Variants in RUVBL1 observed in about 807,000 individuals in gnomAD.
The protein encoded by RUVBL1 is RuvB like AAA ATPase 1, also known as ruvB-like 1.
A neutral mutation model predicts 52.4 loss-of-function variants in RUVBL1; 4 were observed. That is an observed-to-expected ratio of 0.08 (90% confidence interval 0.04 to 0.17). The LOEUF (loss-of-function observed/expected upper bound fraction) is 0.17. RUVBL1 is among the 10% of genes least tolerant of loss of function. RUVBL1 has a pLI of 1.00. For synonymous variants in RUVBL1, 217 were observed against 214.4 expected (o/e 1.01, Z -0.10); for missense variants, 298 against 572.8 (o/e 0.52, Z 4.90).
At chr3:128,099,027 C>G in intron 6 of RUVBL1, 82 bp from the exon 7 acceptor site, 1 of 1,174,584 alleles carries the variant, frequency 8.5e-7, no homozygotes, top group Non-Finnish European at 1.3e-6. Flanking sequence ...CACTCATCAA[C>G]TCAACATGGG....
chr3:128,121,204 T>C (rs1576476629), intron 1 of RUVBL1, among the ~76,000 whole-genome samples: 1 of 151,532 alleles, frequency 6.6e-6, no homozygotes, highest in Admixed American at 6.6e-5. Context: ...CAAGTGATTC[T>C]CCTGCCTCAG....
chr3:128,128,012 ATAC>A (rs1559832225), upstream of RUVBL1, among the ~76,000 whole-genome samples: 12 of 51,726 alleles, frequency 2.3e-4, no homozygotes, highest in African/African-American at 4.9e-4. Context: ...TAATAAATAC[ATAC>A]ATACATACAT....
At chr3:128,130,130 A>G (rs2107727709) in intron 1 of RUVBL1, among the ~76,000 whole-genome samples, 1 of 152,356 alleles carries the variant, frequency 6.6e-6, no homozygotes, top group East Asian at 1.9e-4. Context: ...AAAGAATAAC[A>G]AAATTGACAA....
rs150581087 is a variant in RUVBL1 at position 128,121,387 on chromosome 3, C to T, written c.142-1973G>A. Among the ~76,000 whole-genome samples, 430 of 151,578 alleles carry T rather than the reference C, an allele frequency of 2.8e-3. 1 individual carries two copies. Among genetic ancestry groups the T allele is most frequent in the Non-Finnish European group, 5.2e-3 (354 of 67,828 alleles). ...CTGGGATTACAGGTGTGAGCCACTA[C>T]GCCCGGCCCAGATGCTATATTTCTA... On this transcript the variant is annotated intron_variant, in intron 1 of 10. Transcript: ENST00000322623.
At chr3:128,076,440 G>A (rs1209956293), downstream of RUVBL1, among the ~76,000 whole-genome samples, 1 of 152,182 alleles carries the variant, frequency 6.6e-6, no homozygotes, top group Non-Finnish European at 1.5e-5. The surrounding 1 kb of genome is among the most constrained non-coding windows in gnomAD (Gnocchi z 6.8). Flanking sequence ...CGGGAGGGTG[G>A]GGAACCTGGG....
At chr3:128,096,483 G>C (rs1271862557) in intron 8 of RUVBL1, among the ~76,000 whole-genome samples, 1 of 152,142 alleles carries the variant, frequency 6.6e-6, no homozygotes, top group African/African-American at 2.4e-5. Flanking sequence ...GGAAAGAGTG[G>C]AGCGGGAGGA....
downstream of RUVBL1, among the ~76,000 whole-genome samples, chr3:128,078,485 G>A (rs1942390936): frequency 6.6e-6 from 1 of 152,162 alleles, no homozygotes; most frequent in Non-Finnish European, 1.5e-5. Flanking sequence ...AGGGCGCTGG[G>A]ATTTATGTGA....
At chr3:128,106,991 C>G (rs1943255564) in intron 3 of RUVBL1, among the ~76,000 whole-genome samples, 2 of 152,190 alleles carry the variant, frequency 1.3e-5, no homozygotes, top group Non-Finnish European at 2.9e-5. Flanking sequence ...CAATAATCCA[C>G]CAAGCTATGC....
rs57484997 is a variant in RUVBL1 at position 128,074,312 on chromosome 3, G to C, written c.940-9092C>G. ...TCAGGAGCTCAAAAGCTAAGTGAAA[G>C]AAACAAGTCATGTTGTATGATGCCA... is the stretch of plus-strand genomic sequence containing the variant. On this transcript the variant is annotated intron_variant, in intron 9 of 9. Coordinates refer to the RUVBL1 transcript ENST00000464873. Among the ~76,000 whole-genome samples the C allele has an allele frequency of 8.8e-4, 133 of 151,252 alleles. 1 individual carries two copies. Among genetic ancestry groups the C allele is most frequent in the African/African-American group, 3.1e-3 (129 of 41,224 alleles).
rs764024430 is a variant in RUVBL1 at position 128,067,396 on chromosome 3, A to G, written c.940-2176T>C. On this transcript the variant is annotated intron_variant, in intron 9 of 9. Transcript: ENST00000464873. This position sits in a 1 kb window ranked among gnomAD's most constrained non-coding sequence, Gnocchi z 4.1. Reference sequence around the variant, plus strand: ...TAAAGTAAAATGAAGGAGCACTCACATGCGTTTGGTTTCTTCTTCCCCAGG... The same window carrying G: ...TAAAGTAAAATGAAGGAGCACTCACGTGCGTTTGGTTTCTTCTTCCCCAGG... The G allele has an allele frequency of 2.5e-6, 4 of 1,598,590 alleles. No individual in the cohort carries two copies. Among genetic ancestry groups the G allele is most frequent in the East Asian group, 4.5e-5 (2 of 44,774 alleles).
At chr3:128,112,814 C>T (rs1943425927) in intron 3 of RUVBL1, 74 bp downstream of exon 3, 2 of 1,526,078 alleles carry the variant, frequency 1.3e-6, no homozygotes, top group Non-Finnish European at 1.8e-6. Flanking sequence ...AAGGCATCTT[C>T]ACCACAAAGA....
chr3:128,148,505 C>CA, intron 1 of RUVBL1, among the ~76,000 whole-genome samples: 1 of 152,118 alleles, frequency 6.6e-6, no homozygotes, highest in East Asian at 1.9e-4. Context: ...ATGCCTATTA[C>CA]ACATTCAGGT....
At chr3:128,098,666 T>C (rs1293985183) in intron 7 of RUVBL1, among the ~76,000 whole-genome samples, 2 of 152,162 alleles carry the variant, frequency 1.3e-5, no homozygotes, top group East Asian at 1.9e-4. Flanking sequence ...GGCCAGAAAC[T>C]GTGACTGCAG....
chr3:128,076,459 A>C (rs1942328985), downstream of RUVBL1, among the ~76,000 whole-genome samples: 1 of 152,130 alleles, frequency 6.6e-6, no homozygotes, highest in Non-Finnish European at 1.5e-5. This position sits in a 1 kb window ranked among gnomAD's most constrained non-coding sequence, Gnocchi z 6.8. Context: ...GGATTTAGCC[A>C]TGGGACCTGT....
chr3:128,153,331 A>T, exon 1 of RUVBL1: 1 of 1,372,212 alleles, frequency 7.3e-7, no homozygotes, highest in Non-Finnish European at 9.3e-7. Flanking sequence ...TAGACCACCC[A>T]CTCGGAGCAC....
intron 1 of RUVBL1, among the ~76,000 whole-genome samples, chr3:128,134,988 C>T (rs1943929961): frequency 6.6e-6 from 1 of 152,064 alleles, no homozygotes; most frequent in African/African-American, 2.4e-5. Context: ...ATAAACAGAA[C>T]TTTCCAAACC....
upstream of RUVBL1, among the ~76,000 whole-genome samples, chr3:128,126,544 CAA>C (rs79418093): frequency 9.3e-5 from 11 of 118,044 alleles, no homozygotes; most frequent in Non-Finnish European, 5.4e-5. Context: ...AGACTCATCT[CAA>C]AAAAAAAAAA....
At chr3:128,115,711 C>T (rs142604804) in intron 2 of RUVBL1, among the ~76,000 whole-genome samples, 1 of 152,304 alleles carries the variant, frequency 6.6e-6, no homozygotes, top group Admixed American at 6.5e-5. Flanking sequence ...TCTCCTCTTA[C>T]AAAACACCTA....
chr3:128,109,506 C>T (rs1030414172), intron 3 of RUVBL1, among the ~76,000 whole-genome samples: 1 of 151,948 alleles, frequency 6.6e-6, no homozygotes, highest in Non-Finnish European at 1.5e-5. Flanking sequence ...CTCAGCCTCC[C>T]GATTTTGTTT....
Sources: gnomAD v4.1 joint callset for allele counts (sites outside exome capture counted in the v4.1 genomes callset) on GRCh38, gnomAD v4.1.1 for gene constraint, Gnocchi (gnomAD v3.1) non-coding constraint, MANE v1.5 for transcripts, NCBI Gene and HGNC (gene_info 2026-07-23, HGNC 2026-07-21) for gene names.